CHRM3: variants seen among roughly 807,000 people sequenced by gnomAD.
CHRM3 encodes the protein cholinergic receptor muscarinic 3.
In CHRM3, 11 loss-of-function variants were observed where a neutral mutation model predicts 41.8. That is an observed-to-expected ratio of 0.26 (90% CI 0.17 to 0.44). CHRM3 has a LOEUF of 0.44. CHRM3 is among the 20% of genes least tolerant of loss of function. The pLI, the probability that CHRM3 is intolerant of heterozygous loss-of-function variation, is 1.00. For synonymous variants in CHRM3, 297 were observed against 301.4 expected, an observed-to-expected ratio of 0.99 and a Z score of 0.15; for missense variants, 571 against 745.4, an observed-to-expected ratio of 0.77 and a Z score of 2.72.
At chr1:239,678,541 T>A (rs561173430) in intron 5 of CHRM3, among the ~76,000 whole-genome samples, 1 of 152,296 alleles carries the variant, frequency 6.6e-6, no homozygotes, top group East Asian at 1.9e-4. Context: ...GAGGAGAAAG[T>A]ATACACTTAT....
chr1:239,723,801 A>G (rs1018045406), intron 5 of CHRM3, among the ~76,000 whole-genome samples: 3 of 151,798 alleles, frequency 2.0e-5, no homozygotes, highest in African/African-American at 4.8e-5. Flanking sequence ...TCTTCTCACC[A>G]TTTAGCCTCT....
chr1:239,715,438 A>T (rs1302288573), intron 5 of CHRM3, among the ~76,000 whole-genome samples: 1 of 152,172 alleles, frequency 6.6e-6, no homozygotes. Flanking sequence ...GCTATTACAG[A>T]TGACCATGGC....
chr1:239,582,372 C>G (rs1283936260), intron 3 of CHRM3, among the ~76,000 whole-genome samples: 1 of 152,092 alleles, frequency 6.6e-6, no homozygotes, highest in Non-Finnish European at 1.5e-5. Flanking sequence ...GTGGTACTTT[C>G]CTTTTGAGAG....
At chr1:239,566,551 A>G (rs1457746748) in intron 3 of CHRM3, among the ~76,000 whole-genome samples, 1 of 152,188 alleles carries the variant, frequency 6.6e-6, no homozygotes, top group African/African-American at 2.4e-5. Context: ...TTTTGATTCA[A>G]GCTCTTCTGT....
At chr1:239,408,208 G>T (rs1401633582) in intron 1 of CHRM3, 1 of 152,078 alleles carries the variant, frequency 6.6e-6, no homozygotes, top group African/African-American at 2.4e-5. Flanking sequence ...TGCTGCTGCC[G>T]TGTGAGGACA....
At chr1:239,733,587 C>T (rs970780631) in intron 5 of CHRM3, among the ~76,000 whole-genome samples, 1 of 151,766 alleles carries the variant, frequency 6.6e-6, no homozygotes, top group African/African-American at 2.4e-5. Flanking sequence ...TCTGGAGATG[C>T]ATATAGAGGT....
chr1:239,478,080 C>T (rs191867095), intron 1 of CHRM3, among the ~76,000 whole-genome samples: 18 of 152,276 alleles, frequency 1.2e-4, no homozygotes, highest in Non-Finnish European at 2.1e-4. Flanking sequence ...AATTAAAGAT[C>T]TCCCACAATG....
At chr1:239,531,718 G>A (rs1670429998) in intron 2 of CHRM3, among the ~76,000 whole-genome samples, 1 of 120,610 alleles carries the variant, frequency 8.3e-6, no homozygotes, top group Admixed American at 1.1e-4. Context: ...GGAGTGCAGT[G>A]GCTTGATCTT....
chr1:239,858,718 A>G (rs1221601010), intron 6 of CHRM3, among the ~76,000 whole-genome samples: 2 of 151,926 alleles, frequency 1.3e-5, no homozygotes. Context: ...CATTCTCATC[A>G]CCCTAGAGGA....
intron 1 of CHRM3, among the ~76,000 whole-genome samples, chr1:239,391,116 C>T (rs990277823): frequency 1.3e-5 from 2 of 152,168 alleles, no homozygotes; most frequent in South Asian, 2.1e-4. Flanking sequence ...CCAGCCTGTA[C>T]GAGAGTCTGA....
At chr1:239,671,946 C>A (rs1418260507) in intron 4 of CHRM3, among the ~76,000 whole-genome samples, 5 of 152,038 alleles carry the variant, frequency 3.3e-5, no homozygotes, top group African/African-American at 9.7e-5. Flanking sequence ...TTGGTGAATT[C>A]TGCAAAACAA....
At chr1:239,514,005 T>G (rs1169851822) in intron 2 of CHRM3, among the ~76,000 whole-genome samples, 1 of 152,142 alleles carries the variant, frequency 6.6e-6, no homozygotes, top group East Asian at 1.9e-4. Context: ...TTATCTAGTT[T>G]TTCACCAACA....
intron 5 of CHRM3, among the ~76,000 whole-genome samples, chr1:239,808,481 C>G (rs1247220409): frequency 5.9e-5 from 9 of 152,094 alleles, no homozygotes; most frequent in Admixed American, 2.0e-4. Flanking sequence ...GCTGTGTGAA[C>G]TGTTTTCACT....
chr1:239,823,083 A>C (rs1672181977), intron 5 of CHRM3, among the ~76,000 whole-genome samples: 1 of 152,238 alleles, frequency 6.6e-6, no homozygotes, highest in Non-Finnish European at 1.5e-5. Context: ...AGTTTATCAC[A>C]GATTTATGCC....
chr1:239,507,924 T>A (rs893952914), intron 2 of CHRM3, among the ~76,000 whole-genome samples: 1 of 152,314 alleles, frequency 6.6e-6, no homozygotes, highest in South Asian at 2.1e-4. Context: ...GAAGTCACAA[T>A]TGGAGAAAAT....
At position 239,427,726 on chromosome 1, in the gene CHRM3, G is replaced by C. The variant is rs375659774; in HGVS notation, c.-521+40499G>C. ...TGATGATCAGAGGAGACTGAGACAA[G>C]ATGGAACCTCAAGAAGCACCCACAT... On this transcript the variant is annotated intron_variant, in intron 1 of 6. Coordinates refer to ENST00000676153, the MANE Select transcript of CHRM3 (RefSeq NM_001375978.1). Among the ~76,000 whole-genome samples, 5 of 152,048 alleles carry C rather than the reference G, an allele frequency of 3.3e-5. No homozygotes were observed. In the East Asian group the frequency reaches 9.8e-4, roughly 30 times the overall value.
chr1:239,878,292 C>T (rs1677290346), intron 6 of CHRM3, among the ~76,000 whole-genome samples: 1 of 152,086 alleles, frequency 6.6e-6, no homozygotes, highest in African/African-American at 2.4e-5. Flanking sequence ...AAGACAGTGA[C>T]AGATCATTAG....
intron 6 of CHRM3, among the ~76,000 whole-genome samples, chr1:239,867,714 T>C (rs1450168815): frequency 1.3e-5 from 2 of 149,842 alleles, no homozygotes; most frequent in Admixed American, 6.6e-5. Flanking sequence ...TGTCCAGGTA[T>C]ATGATGAGAT....
At chr1:239,774,155 A>T (rs1027899303) in intron 5 of CHRM3, among the ~76,000 whole-genome samples, 1 of 152,192 alleles carries the variant, frequency 6.6e-6, no homozygotes, top group African/African-American at 2.4e-5. Flanking sequence ...TCAACATGCC[A>T]GTAATACCAG....
Sources: gnomAD v4.1 joint callset for allele counts (sites outside exome capture counted in the v4.1 genomes callset) on GRCh38, gnomAD v4.1.1 for gene constraint, MANE v1.5 for transcripts, NCBI Gene and HGNC (gene_info 2026-07-23, HGNC 2026-07-21) for gene names.